Variants in AP3D1 observed in about 807,000 individuals in gnomAD.
The protein encoded by AP3D1 is AP-3 complex subunit delta-1.
A neutral mutation model predicts 147.6 loss-of-function variants in AP3D1; 51 were observed. That is an observed-to-expected ratio of 0.35 (90% CI 0.28 to 0.44). The LOEUF (loss-of-function observed/expected upper bound fraction) is 0.44, where lower values mean the gene tolerates loss of function less well. Among genes scored for constraint, AP3D1 ranks in the 20% least tolerant of loss-of-function variants. The pLI is 1.00. For missense variants in AP3D1, 1,421 were observed against 1,624.2 expected, an observed-to-expected ratio of 0.87 and a Z score of 2.15; for synonymous variants, 760 against 663.0, an observed-to-expected ratio of 1.15 and a Z score of -2.25.
In AP3D1 at chr19:2,147,090, A is replaced by G. The variant is rs950238169; in HGVS notation, c.96+4149T>C. Among the ~76,000 whole-genome samples, 128 of 152,242 alleles carry G rather than the reference A, an allele frequency of 8.4e-4. 2 individuals carry two copies. The highest frequency in any genetic ancestry group is 1.6e-4 in the Non-Finnish European group (11 of 68,044). ...CTGGGCGTGGTGGCTCACGCCTGTC[A>G]TCCCAGCTCTTTGGGAGGCCGAGGC... is the stretch of plus-strand genomic sequence containing the variant. On this transcript the variant is annotated intron_variant, in intron 1 of 31. Coordinates refer to ENST00000643116, the MANE Select transcript of AP3D1 (RefSeq NM_001261826.3).
chr19:2,109,837 G>A (rs377688102), intron 29 of AP3D1, 36 bp downstream of exon 29: 483 of 1,597,176 alleles, frequency 3.0e-4, no homozygotes, highest in Non-Finnish European at 4.0e-4. Context: ...AGGCGGAGGG[G>A]GTTCGGGGAC....
At chr19:2,154,071 C>T (rs1599505456), upstream of AP3D1, among the ~76,000 whole-genome samples, 2 of 151,978 alleles carry the variant, frequency 1.3e-5, no homozygotes, top group East Asian at 1.9e-4. Context: ...CCTCAGCCTC[C>T]CGAGTAGCTG....
rs768727659 is a variant in AP3D1 at position 2,108,803 on chromosome 19, T to C, written c.3473-37A>G. The C allele has an allele frequency of 3.2e-6, 5 of 1,547,058 alleles. No homozygotes were observed. In the South Asian group the frequency reaches 3.6e-5, roughly 11 times the overall value. ...CGGGCAGTGTTAGGCTTCCCGGACATTGCATGGCTGCAGCCCCACCCCCAG... is the reference window on the plus strand; with the variant it reads ...CGGGCAGTGTTAGGCTTCCCGGACACTGCATGGCTGCAGCCCCACCCCCAG... On this transcript the variant is annotated intron_variant, in intron 30 of 31. Coordinates refer to ENST00000643116, the MANE Select transcript of AP3D1 (RefSeq NM_001261826.3).
At chr19:2,122,156 G>A (rs977749045) in intron 11 of AP3D1, among the ~76,000 whole-genome samples, 8 of 152,184 alleles carry the variant, frequency 5.3e-5, no homozygotes, top group African/African-American at 1.7e-4. Flanking sequence ...GCTGCTGTCA[G>A]CTCTCCTCTT....
chr19:2,137,713 T>C lies in AP3D1; in HGVS notation c.273+14A>G. On this transcript the variant is annotated intron_variant, in intron 3 of 31. Transcript: ENST00000643116. ...ACTCCCCACCCCACCAGCCTTGCCG[T>C]CCCAGAACCTCACCTTGAAGGTGAA... 3.1e-6 allele frequency: 5 copies of C among 1,613,100 alleles called. No homozygotes were observed. The highest frequency in any genetic ancestry group is 4.2e-6 in the Non-Finnish European group (5 of 1,179,348).
intron 18 of AP3D1, among the ~76,000 whole-genome samples, 182 bp downstream of exon 18, chr19:2,116,025 C>T (rs982138792): frequency 6.6e-6 from 1 of 152,238 alleles, no homozygotes; most frequent in African/African-American, 2.4e-5. Flanking sequence ...CGGCTGGAGG[C>T]TCGAATGAAT....
At position 2,101,924 on chromosome 19, in the gene AP3D1, T is replaced by G; in HGVS notation, c.*249A>C. On this transcript the variant is annotated 3_prime_UTR_variant, in exon 32 of 32. Coordinates refer to ENST00000643116, the MANE Select transcript of AP3D1 (RefSeq NM_001261826.3). ...CAGGGCACAGACCCAGGTGGGGGAG[T>G]CCCTTGCTGGTTTGGGGGCGAGAAG... 2 of 481,618 alleles carry G rather than the reference T, an allele frequency of 4.2e-6. No homozygotes were observed. Among genetic ancestry groups the G allele is most frequent in the Non-Finnish European group, 7.5e-6 (2 of 267,584 alleles). The allele number at this position is 481,618 out of a possible 1,614,324, so 29.8% of individuals were successfully genotyped here.
chr19:2,164,326 A>G, intron 1 of AP3D1: 4 of 1,168,888 alleles, frequency 3.4e-6, no homozygotes, highest in Non-Finnish European at 4.3e-6. Flanking sequence ...GCCCCTGGGG[A>G]CACCCCAAAC....
intron 31 of AP3D1, among the ~76,000 whole-genome samples, 199 bp from the exon 32 acceptor site, chr19:2,102,467 G>A (rs1474692142): frequency 1.3e-5 from 2 of 152,026 alleles, no homozygotes; most frequent in Non-Finnish European, 2.9e-5. Context: ...GGTGGCTCAC[G>A]CCTGTAATCC....
intron 21 of AP3D1, 81 bp downstream of exon 21, chr19:2,114,667 C>G: frequency 8.7e-7 from 1 of 1,146,898 alleles, no homozygotes; most frequent in Non-Finnish European, 1.3e-6. Flanking sequence ...CAGAGCCCGG[C>G]CCCACCCGGA....
At chr19:2,125,182 T>C (rs1752326683) in intron 9 of AP3D1, among the ~76,000 whole-genome samples, 1 of 152,140 alleles carries the variant, frequency 6.6e-6, no homozygotes, top group Non-Finnish European at 1.5e-5. Flanking sequence ...TGGAAATGAA[T>C]AACCCTGGAC....
intron 1 of AP3D1, among the ~76,000 whole-genome samples, chr19:2,148,452 G>C (rs760905317): frequency 6.6e-6 from 1 of 152,210 alleles, no homozygotes; most frequent in Admixed American, 6.5e-5. Context: ...CTGCACTCTG[G>C]TCTCTTCTAG....
intron 5 of AP3D1, among the ~76,000 whole-genome samples, 194 bp downstream of exon 5, chr19:2,132,277 T>A (rs2018971176): frequency 6.6e-6 from 1 of 152,186 alleles, no homozygotes; most frequent in Non-Finnish European, 1.5e-5. Context: ...AAATATCAAC[T>A]TAAGACACGC....
chr19:2,112,793 C>T (rs779385686), intron 24 of AP3D1, 67 bp downstream of exon 24: 40 of 1,326,728 alleles, frequency 3.0e-5, no homozygotes, highest in Admixed American at 1.3e-4. Flanking sequence ...AAGCTGTGTC[C>T]GGCCCCACGT....
upstream of AP3D1, among the ~76,000 whole-genome samples, chr19:2,154,434 C>T (rs753961642): frequency 2.0e-5 from 3 of 151,878 alleles, no homozygotes; most frequent in Non-Finnish European, 4.4e-5. Flanking sequence ...CGCTCGCCAC[C>T]ACGCCCAGCT....
At position 2,138,657 on chromosome 19, in the gene AP3D1, T is replaced by C. The variant is rs2019140093; in HGVS notation, c.154A>G (p.Ile52Val). Reference sequence around the variant, plus strand: ...CAGACCGCGTTCGCCTTCACCGCTATGTTGTCCTGCTTCAGCTCCTGCTTG... The same window carrying C: ...CAGACCGCGTTCGCCTTCACCGCTACGTTGTCCTGCTTCAGCTCCTGCTTG... ...EIKQELKQDN[I>V]AVKANAVCKL... The change falls in exon 2 of 32, where the codon ATA (isoleucine) becomes GTA (valine). Residue 52 changes from isoleucine to valine, a missense_variant. Around this residue, in one of 6 missense-constraint regions of AP3D1, gnomAD observed 292 missense variants for 412.0 expected, o/e 0.71. Coordinates refer to ENST00000643116, the MANE Select transcript of AP3D1 (RefSeq NM_001261826.3). 1 of 1,614,006 alleles carries C rather than the reference T, an allele frequency of 6.2e-7. No individual in the cohort carries two copies. Among genetic ancestry groups the C allele is most frequent in the Non-Finnish European group, 8.5e-7 (1 of 1,180,004 alleles).
chr19:2,138,210 G>A (rs544021344), intron 2 of AP3D1, among the ~76,000 whole-genome samples: 1 of 152,276 alleles, frequency 6.6e-6, no homozygotes, highest in South Asian at 2.1e-4. Flanking sequence ...AGGAGTGCCT[G>A]TCCCCAGCTC....
chr19:2,110,154 G>C lies in AP3D1; in HGVS notation c.3246C>G (p.Thr1082=). ...TGCATACCTTGGCAATGAAGGACAGGGTCCCCTTGAGCTTCTGCGCCATGA... is the reference window on the plus strand; with the variant it reads ...TGCATACCTTGGCAATGAAGGACAGCGTCCCCTTGAGCTTCTGCGCCATGA... ...SIVMAQKLKG[T]LSFIAKNDEG... Residue 1082 remains threonine, a synonymous_variant, in exon 28 of 32, where the codon ACC becomes ACG. Coordinates refer to ENST00000643116, the MANE Select transcript of AP3D1 (RefSeq NM_001261826.3). The C allele has an allele frequency of 6.2e-7, 1 of 1,612,992 alleles. No individual in the cohort carries two copies. Among genetic ancestry groups the C allele is most frequent in the South Asian group, 1.1e-5 (1 of 91,028 alleles).
chr19:2,147,651 T>C (rs1422071811), intron 1 of AP3D1, among the ~76,000 whole-genome samples: 1 of 151,262 alleles, frequency 6.6e-6, no homozygotes, highest in Non-Finnish European at 1.5e-5. Context: ...ATCCCAGCAC[T>C]TTGGGAGGCA....
Sources: allele counts gnomAD v4.1 joint callset (sites outside exome capture counted in the v4.1 genomes callset), GRCh38; gene constraint gnomAD v4.1.1; regional missense constraint gnomAD v4.1.1; transcripts MANE v1.5; gene names NCBI Gene and HGNC (gene_info 2026-07-23, HGNC 2026-07-21).